KCTD21: variants seen among roughly 807,000 people sequenced by gnomAD.
The protein encoded by KCTD21 is BTB/POZ domain-containing protein KCTD21.
Under a neutral mutation model 13.2 loss-of-function variants are expected in KCTD21, and 9 were observed. The observed-to-expected ratio is 0.68, with a 90% CI of 0.41 to 1.19. KCTD21 has a LOEUF of 1.19. KCTD21 is among the 50% of genes most tolerant of loss of function. The pLI, the probability that KCTD21 is intolerant of heterozygous loss-of-function variation, is 0.01. For synonymous variants in KCTD21, 142 were observed against 137.4 expected (o/e 1.03, Z -0.23); for missense variants, 303 against 336.5 (o/e 0.90, Z 0.78).
rs1388555962 is a variant in KCTD21, at chr11:78,174,469, A to G, written c.86T>C (p.Leu29Pro). The G allele has an allele frequency of 6.2e-7, 1 of 1,613,964 alleles. No homozygotes were observed. The highest frequency in any genetic ancestry group is 1.7e-5 in the Admixed American group (1 of 59,998). ...CATCTTCCCGCTGAACATGGCGCCTAGCATGGAGTCAGGGAAGCTGGTCAG... is the reference window on the plus strand; with the variant it reads ...CATCTTCCCGCTGAACATGGCGCCTGGCATGGAGTCAGGGAAGCTGGTCAG... Reference protein sequence around the residue: ...ATLTSFPDSMLGAMFSGKMPT... With the variant: ...ATLTSFPDSMPGAMFSGKMPT... The change falls in exon 2 of 2, where the codon CTA becomes CCA. Residue 29 changes from leucine (L) to proline (P), a missense_variant. Coordinates refer to ENST00000340067, the MANE Select transcript of KCTD21 (RefSeq NM_001029859.3).
intron 1 of KCTD21, chr11:78,178,131 C>CT (rs11453841): frequency 0.29 from 40,434 of 141,772 alleles, 6,449 homozygotes; most frequent in Admixed American, 0.43. Context: ...CCCTTCTTTT[C>CT]TTTTTTTTTT....
At chr11:78,188,183 G>C (rs1327204865) in intron 1 of KCTD21, 6 of 984,936 alleles carry the variant, frequency 6.1e-6, no homozygotes, top group Non-Finnish European at 7.2e-6. Context: ...TGGCCTCATC[G>C]GCTTGTTCCG....
intron 1 of KCTD21, chr11:78,177,698 C>T (rs483731): frequency 0.13 from 19,710 of 152,316 alleles, 1,362 homozygotes; most frequent in Non-Finnish European, 0.16. Flanking sequence ...CACTCCCTCC[C>T]AACATTGGGT....
At chr11:78,176,098 G>A (rs1862444723) in intron 1 of KCTD21, among the ~76,000 whole-genome samples, 1 of 152,168 alleles carries the variant, frequency 6.6e-6, no homozygotes, top group Non-Finnish European at 1.5e-5. Context: ...GTATTCCATG[G>A]TGTATATGTG....
intron 1 of KCTD21, among the ~76,000 whole-genome samples, chr11:78,185,215 GTGTT>G (rs1275170303): frequency 6.6e-6 from 1 of 152,180 alleles, no homozygotes; most frequent in Non-Finnish European, 1.5e-5. Flanking sequence ...AAAAAAGTGT[GTGTT>G]TGTGTAAAAG....
chr11:78,185,146 G>T (rs1862732152), intron 1 of KCTD21, among the ~76,000 whole-genome samples: 1 of 152,256 alleles, frequency 6.6e-6, no homozygotes. Context: ...ACATGTTGAA[G>T]AATTTAGGGG....
intron 1 of KCTD21, among the ~76,000 whole-genome samples, chr11:78,179,181 C>G (rs961298882): frequency 8.6e-5 from 13 of 151,830 alleles, no homozygotes; most frequent in African/African-American, 2.7e-4. Context: ...GCATTTCATT[C>G]CCCTGCTACT....
chr11:78,174,575 G>A lies in KCTD21; in HGVS notation c.-21C>T. ...GACATGGCAGGAGACTGGGTTGCTGGAAGTAGTCCTGGAGAGGGTGAGAAG... is the reference window on the plus strand; with the variant it reads ...GACATGGCAGGAGACTGGGTTGCTGAAAGTAGTCCTGGAGAGGGTGAGAAG... On this transcript the variant is annotated 5_prime_UTR_variant, in exon 2 of 2. Coordinates refer to ENST00000340067, the MANE Select transcript of KCTD21 (RefSeq NM_001029859.3). 6.3e-7 allele frequency: 1 copy of A among 1,597,396 alleles called. No individual in the cohort carries two copies. The highest frequency in any genetic ancestry group is 8.5e-7 in the Non-Finnish European group (1 of 1,171,418).
At chr11:78,186,087 T>G in intron 1 of KCTD21, among the ~76,000 whole-genome samples, 1 of 151,568 alleles carries the variant, frequency 6.6e-6, no homozygotes, top group East Asian at 2.0e-4. Context: ...CAGAAAGAAC[T>G]GGAGACAGGC....
At chr11:78,182,797 C>G (rs896624251) in intron 1 of KCTD21, among the ~76,000 whole-genome samples, 3 of 152,186 alleles carry the variant, frequency 2.0e-5, no homozygotes, top group African/African-American at 7.2e-5. Context: ...CTGAACCCAG[C>G]CACAGAGGTC....
chr11:78,172,003 T>A lies in KCTD21; in HGVS notation c.*1769A>T, dbSNP rs573157789. 16 of 152,312 alleles carry A rather than the reference T, an allele frequency of 1.1e-4. No homozygotes were observed. The highest frequency in any genetic ancestry group is 2.1e-4 in the South Asian group (1 of 4,820). The allele number at this position is 152,312 out of a possible 1,614,324, so 9.4% of individuals were successfully genotyped here. ...GCTGCCCATGGCCCAGTGTACAAGC[T>A]CCCTACTCACAGGGCCTATCTATGG... On this transcript the variant is annotated 3_prime_UTR_variant, in exon 2 of 2. Transcript: ENST00000340067.
intron 1 of KCTD21, among the ~76,000 whole-genome samples, chr11:78,177,291 AT>A (rs1398840437): frequency 6.6e-6 from 1 of 152,188 alleles, no homozygotes; most frequent in Non-Finnish European, 1.5e-5. Flanking sequence ...GCACTTTGAT[AT>A]TGCAGAAAGG....
At chr11:78,188,543 G>T (rs1021213851) in intron 1 of KCTD21, 30 bp downstream of exon 1, 8 of 985,358 alleles carry the variant, frequency 8.1e-6, no homozygotes, top group Non-Finnish European at 9.6e-6. Flanking sequence ...TAGTCCCCGA[G>T]CCCCGCGACC....
chr11:78,173,918 C>A lies in KCTD21; in HGVS notation c.637G>T (p.Ala213Ser), dbSNP rs749154861. ...QNLKRLWVVP[A>S]NKQINSFQVF... ...TGGAAGCTGTTGATCTGCTTGTTGG[C>A]GGGCACCACCCAGAGCCTCTTGAGG... Residue 213 changes from alanine (A) to serine (S), a missense_variant, in exon 2 of 2, where the codon GCC (alanine) becomes TCC (serine). Ala to Ser is a moderately conservative substitution (Grantham distance 99). Transcript: ENST00000340067. 21 of 1,614,166 alleles carry A rather than the reference C, an allele frequency of 1.3e-5. No individual in the cohort carries two copies. In the East Asian group the frequency reaches 4.5e-4, roughly 34 times the overall value.
At position 78,173,069 on chromosome 11, in the gene KCTD21, T is replaced by A. The variant is rs913650866; in HGVS notation, c.*703A>T. On this transcript the variant is annotated 3_prime_UTR_variant, in exon 2 of 2. Coordinates refer to ENST00000340067, the MANE Select transcript of KCTD21 (RefSeq NM_001029859.3). ...TACACTGGCTACAGATACTTGCACA[T>A]TTTTGCAAAGATAGCAGACCCTTTC... 5 of 152,412 alleles carry A rather than the reference T, an allele frequency of 3.3e-5. No homozygotes were observed. Among genetic ancestry groups the A allele is most frequent in the African/African-American group, 9.7e-5 (4 of 41,420 alleles). The allele number at this position is 152,412 out of a possible 1,614,324, so 9.4% of individuals were successfully genotyped here.
At chr11:78,187,590 T>A in intron 1 of KCTD21, 1 of 985,396 alleles carries the variant, frequency 1.0e-6, no homozygotes, top group Non-Finnish European at 1.2e-6. Context: ...ACGCTTCACC[T>A]TGTGCTTTTC....
intron 1 of KCTD21, among the ~76,000 whole-genome samples, chr11:78,182,224 G>A (rs1862644727): frequency 6.6e-6 from 1 of 152,116 alleles, no homozygotes; most frequent in South Asian, 2.1e-4. Flanking sequence ...CCCAGTAGGT[G>A]GAGGTTGCAG....
At chr11:78,182,522 A>G (rs936921474) in intron 1 of KCTD21, among the ~76,000 whole-genome samples, 2 of 152,214 alleles carry the variant, frequency 1.3e-5, no homozygotes, top group African/African-American at 4.8e-5. Flanking sequence ...AAGAGAAGGA[A>G]TTTGGTAATA....
Position 78,174,082 on chromosome 11 carries a change from A to G in KCTD21, c.473T>C (p.Leu158Pro). ...IFSTSCLFLKLLGSKLFYCSN... is the reference protein window; with the variant it reads ...IFSTSCLFLKPLGSKLFYCSN... ...GCAGTAGAAGAGCTTAGAGCCAAGG[A>G]GCTTGAGGAAGAGGCAGGAGGTGCT... is the stretch of plus-strand genomic sequence containing the variant. Residue 158 changes from leucine (L) to proline (P), a missense_variant, in exon 2 of 2, where the codon CTC (leucine) becomes CCC (proline). Physicochemically the swap from Leu to Pro is moderately conservative, Grantham distance 98. Transcript: ENST00000340067. 1 of 1,614,148 alleles carries G rather than the reference A, an allele frequency of 6.2e-7. No individual in the cohort carries two copies. Among genetic ancestry groups the G allele is most frequent in the Non-Finnish European group, 8.5e-7 (1 of 1,180,026 alleles).
Sources: allele counts gnomAD v4.1 joint callset (sites outside exome capture counted in the v4.1 genomes callset), GRCh38; gene constraint gnomAD v4.1.1; transcripts MANE v1.5; gene names NCBI Gene and HGNC (gene_info 2026-07-23, HGNC 2026-07-21).